The following EPB41L4B variants were observed in gnomAD, a reference collection of about 807,000 sequenced individuals.
EPB41L4B encodes band 4.1-like protein 4B.
EPB41L4B carries 30 observed loss-of-function variants against 112.5 expected under a neutral mutation model. That is an observed-to-expected ratio of 0.27 (90% confidence interval 0.20 to 0.36). The LOEUF (loss-of-function observed/expected upper bound fraction) is 0.36. Ranked by LOEUF, EPB41L4B falls within the 10% of genes least tolerant of loss-of-function variation. The pLI is 1.00. For synonymous variants in EPB41L4B, 408 were observed against 439.7 expected (o/e 0.93, Z 0.90); for missense variants, 1,024 against 1,133.3 (o/e 0.90, Z 1.38).
chr9:109,194,314 G>T lies in EPB41L4B; in HGVS notation c.2129C>A (p.Thr710Lys), dbSNP rs1174093458. The change falls in exon 21 of 26, where the codon ACA becomes AAA. Residue 710 changes from threonine (T) to lysine (K), a missense_variant. Thr to Lys is a moderately conservative substitution (Grantham distance 78, BLOSUM62 -1). Transcript: ENST00000374566. ...GGACGGCAGCGGCACGGAGACTTGT[G>T]TGGCGGCCGTTGTGGTGTTTGTGGT... ...STTTNTTTAA[T>K]QVSVPLPSPK... The T allele has an allele frequency of 6.2e-7, 1 of 1,614,212 alleles. No individual in the cohort carries two copies. Among genetic ancestry groups the T allele is most frequent in the Non-Finnish European group, 8.5e-7 (1 of 1,180,048 alleles).
At chr9:109,251,092 T>C (rs1834771404) in intron 13 of EPB41L4B, among the ~76,000 whole-genome samples, 3 of 152,290 alleles carry the variant, frequency 2.0e-5, no homozygotes, top group African/African-American at 7.2e-5. Flanking sequence ...ATGTAAAACC[T>C]GCACGTCACT....
rs1483191062 is a variant in EPB41L4B at position 109,213,767 on chromosome 9, T to C, written c.1685A>G (p.Lys562Arg). ...CTTCACAGTTTCCAGTTCCAGCTTCTTTAGATGGGCAGCGGCTTCACTGAA... is the reference window on the plus strand; with the variant it reads ...CTTCACAGTTTCCAGTTCCAGCTTCCTTAGATGGGCAGCGGCTTCACTGAA... The part of the protein sequence containing the change: ...ALFSEAAAHL[K>R]KLELETVKAA... Residue 562 changes from lysine (K) to arginine (R), a missense_variant, in exon 17 of 26, where the codon AAG (lysine) becomes AGG (arginine). Lys to Arg is a conservative substitution (Grantham distance 26). Coordinates refer to ENST00000374566, the MANE Select transcript of EPB41L4B (RefSeq NM_019114.5). The C allele has an allele frequency of 6.2e-7, 1 of 1,614,176 alleles. No homozygotes were observed. Among genetic ancestry groups the C allele is most frequent in the Admixed American group, 1.7e-5 (1 of 60,016 alleles).
intron 21 of EPB41L4B, among the ~76,000 whole-genome samples, chr9:109,192,609 C>G (rs768256714): frequency 1.3e-5 from 2 of 152,128 alleles, no homozygotes; most frequent in African/African-American, 4.8e-5. Context: ...CTTAAGTGCT[C>G]TTAGTGCTTT....
intron 4 of EPB41L4B, among the ~76,000 whole-genome samples, chr9:109,266,407 C>A (rs987727635): frequency 6.6e-6 from 1 of 151,894 alleles, no homozygotes; most frequent in Admixed American, 6.6e-5. Context: ...ATGGTGATAA[C>A]CAGTCAGTCT....
intron 2 of EPB41L4B, among the ~76,000 whole-genome samples, chr9:109,269,678 G>A (rs1428779902): frequency 6.6e-6 from 1 of 152,084 alleles, no homozygotes; most frequent in South Asian, 2.1e-4. Flanking sequence ...ACTTTATGTG[G>A]ACCTAATGCA....
intron 15 of EPB41L4B, among the ~76,000 whole-genome samples, chr9:109,238,399 G>A (rs913552792): frequency 3.3e-5 from 5 of 152,160 alleles, no homozygotes; most frequent in Admixed American, 6.5e-5. Context: ...CCCCATACTG[G>A]ATAAGGTTGT....
intron 18 of EPB41L4B, among the ~76,000 whole-genome samples, chr9:109,205,057 T>G (rs1832950446): frequency 6.6e-6 from 1 of 152,154 alleles, no homozygotes; most frequent in South Asian, 2.1e-4. Flanking sequence ...TTATGGCCAG[T>G]TAGGTGTGAA....
At chr9:109,287,827 C>T (rs533833574) in intron 1 of EPB41L4B, among the ~76,000 whole-genome samples, 46 of 152,228 alleles carry the variant, frequency 3.0e-4, no homozygotes, top group African/African-American at 1.1e-3. Context: ...ATCTTAAACT[C>T]CTGGGCTTAA....
Position 109,310,509 on chromosome 9 carries a change from C to A in EPB41L4B, c.306+9632G>T, listed in dbSNP as rs1588238217. ...AGAGTCTTTTGTATTTATATTTCATCATTTAAAAATCTAAAGAATGTGCTG... is the reference window on the plus strand; with the variant it reads ...AGAGTCTTTTGTATTTATATTTCATAATTTAAAAATCTAAAGAATGTGCTG... On this transcript the variant is annotated intron_variant, in intron 1 of 25. Coordinates refer to ENST00000374566, the MANE Select transcript of EPB41L4B (RefSeq NM_019114.5). Among the ~76,000 whole-genome samples, 3 of 152,134 alleles carry A rather than the reference C, an allele frequency of 2.0e-5. No individual in the cohort carries two copies. The East Asian group carries it at 5.8e-4, about 29-fold the overall frequency.
At chr9:109,182,690 A>G in intron 24 of EPB41L4B, 39 bp downstream of exon 24, 2 of 1,492,208 alleles carry the variant, frequency 1.3e-6, no homozygotes, top group Non-Finnish European at 1.9e-6. Flanking sequence ...CATGGGAACA[A>G]GGGTTTAAAA....
At position 109,231,128 on chromosome 9, in the gene EPB41L4B, C is replaced by T. The variant is rs191071267; in HGVS notation, c.1409+12490G>A. ...GAGCCAAGATTGTGCCATTGCACTCCAGCCTGGGTGACGAGTGAAACTCCA... is the reference window on the plus strand; with the variant it reads ...GAGCCAAGATTGTGCCATTGCACTCTAGCCTGGGTGACGAGTGAAACTCCA... On this transcript the variant is annotated intron_variant, in intron 15 of 25. Transcript: ENST00000374566. Among the ~76,000 whole-genome samples, 49 of 145,796 alleles carry T rather than the reference C, an allele frequency of 3.4e-4. No homozygotes were observed. In the Middle Eastern group the frequency reaches 0.011, roughly 33 times the overall value.
chr9:109,298,599 A>T (rs1319513532), intron 1 of EPB41L4B, among the ~76,000 whole-genome samples: 1 of 152,264 alleles, frequency 6.6e-6, no homozygotes. Flanking sequence ...GGCGTGAGCC[A>T]CGGCGCCTGG....
At chr9:109,240,478 C>G in intron 15 of EPB41L4B, 1 of 985,300 alleles carries the variant, frequency 1.0e-6, no homozygotes, top group Non-Finnish European at 1.2e-6. Context: ...ATTACAATTA[C>G]ATATACAAAA....
chr9:109,294,724 G>A (rs1475478657), intron 1 of EPB41L4B, among the ~76,000 whole-genome samples: 1 of 151,642 alleles, frequency 6.6e-6, no homozygotes, highest in Non-Finnish European at 1.5e-5. Context: ...ATTTATTAGT[G>A]AATATTTAAG....
At chr9:109,311,460 C>T (rs991407321) in intron 1 of EPB41L4B, among the ~76,000 whole-genome samples, 3 of 152,048 alleles carry the variant, frequency 2.0e-5, no homozygotes. Flanking sequence ...CCATTCCACC[C>T]GGGGGGACTG....
chr9:109,212,079 C>T (rs533869285), intron 17 of EPB41L4B, among the ~76,000 whole-genome samples: 7 of 152,150 alleles, frequency 4.6e-5, no homozygotes, highest in East Asian at 3.9e-4. Flanking sequence ...GGGAAATGCT[C>T]GATAACCCAC....
At chr9:109,280,921 A>G (rs1222147706) in intron 1 of EPB41L4B, among the ~76,000 whole-genome samples, 1 of 152,206 alleles carries the variant, frequency 6.6e-6, no homozygotes, top group East Asian at 1.9e-4. Context: ...GCACTGGGTA[A>G]CCTAAGAGTA....
chr9:109,302,449 T>C (rs1158911846), intron 1 of EPB41L4B, among the ~76,000 whole-genome samples: 1 of 152,212 alleles, frequency 6.6e-6, no homozygotes, highest in African/African-American at 2.4e-5. Flanking sequence ...TTGAAGACCT[T>C]ATCCCCAAAT....
intron 15 of EPB41L4B, among the ~76,000 whole-genome samples, chr9:109,235,265 T>A (rs1296923645): frequency 1.3e-5 from 2 of 152,188 alleles, no homozygotes; most frequent in African/African-American, 4.8e-5. Flanking sequence ...GACATGTCTT[T>A]ATATATGTGT....
Sources: allele counts gnomAD v4.1 joint callset (sites outside exome capture counted in the v4.1 genomes callset), GRCh38; gene constraint gnomAD v4.1.1; transcripts MANE v1.5; gene names NCBI Gene and HGNC (gene_info 2026-07-23, HGNC 2026-07-21).